Variants in HPSE2 observed in about 807,000 individuals in gnomAD.
The protein encoded by HPSE2 is heparanase 2 (inactive).
Under a neutral mutation model 60.5 loss-of-function variants are expected in HPSE2, and 38 were observed. The ratio of observed to expected loss-of-function variants is 0.63; its 90% CI spans 0.48 to 0.82. HPSE2 has a LOEUF of 0.82. Ranked by LOEUF, HPSE2 falls within the 40% of genes least tolerant of loss-of-function variation. HPSE2 has a pLI of 0.00. For missense variants in HPSE2, 713 were observed against 740.4 expected (o/e 0.96, Z 0.43); for synonymous variants, 295 against 293.2 (o/e 1.01, Z -0.06).
intron 6 of HPSE2, among the ~76,000 whole-genome samples, chr10:98,687,727 C>CT (rs376293951): frequency 1.2e-4 from 18 of 152,190 alleles, no homozygotes; most frequent in African/African-American, 3.6e-4. Context: ...GGTAATCCTC[C>CT]TTTTTTTGAA....
the HPSE2 span, among the ~76,000 whole-genome samples, chr10:99,258,130 G>C: frequency 6.6e-6 from 1 of 150,870 alleles, no homozygotes; most frequent in Non-Finnish European, 1.5e-5. Flanking sequence ...ACTGGAGCCA[G>C]ACTGCATCTC....
intron 3 of HPSE2, among the ~76,000 whole-genome samples, chr10:99,113,669 T>C (rs754798650): frequency 3.9e-5 from 6 of 152,222 alleles, no homozygotes; most frequent in Non-Finnish European, 8.8e-5. Context: ...CTGGGCATTA[T>C]ATAAACTTTC....
At chr10:98,750,934 T>G (rs374426814) in intron 3 of HPSE2, among the ~76,000 whole-genome samples, 12 of 152,214 alleles carry the variant, frequency 7.9e-5, no homozygotes, top group East Asian at 3.9e-4. Context: ...ATAGAGAACC[T>G]TTTACTGGAA....
At chr10:99,088,203 C>CTTTA (rs567526501) in intron 3 of HPSE2, among the ~76,000 whole-genome samples, 18 of 151,966 alleles carry the variant, frequency 1.2e-4, no homozygotes, top group Non-Finnish European at 1.8e-4. Context: ...CCCCTCAATA[C>CTTTA]TTTATTTATT....
At chr10:98,611,714 C>T (rs1945766637) in intron 9 of HPSE2, among the ~76,000 whole-genome samples, 1 of 152,180 alleles carries the variant, frequency 6.6e-6, no homozygotes, top group African/African-American at 2.4e-5. Context: ...ACTTAGGACA[C>T]ACTCTCCCAG....
rs150050105 is a variant in HPSE2 at position 98,611,956 on chromosome 10, T to A, written c.1320+2948A>T. Among the ~76,000 whole-genome samples the A allele has an allele frequency of 3.8e-3, 581 of 152,286 alleles. 1 individual carries two copies. The highest frequency in any genetic ancestry group is 7.1e-3 in the Admixed American group (108 of 15,300). Reference sequence around the variant, plus strand: ...CTCCACCATGTATCAACTGAGGTCTTTTGTGCCATGCTTTTAAAGAAAGTC... The same window carrying A: ...CTCCACCATGTATCAACTGAGGTCTATTGTGCCATGCTTTTAAAGAAAGTC... On this transcript the variant is annotated intron_variant, in intron 9 of 11. Coordinates refer to ENST00000370552, the MANE Select transcript of HPSE2 (RefSeq NM_021828.5).
At chr10:98,505,716 A>G (rs1942178173) in intron 9 of HPSE2, among the ~76,000 whole-genome samples, 1 of 152,200 alleles carries the variant, frequency 6.6e-6, no homozygotes, top group South Asian at 2.1e-4. Flanking sequence ...CTTATGAGAT[A>G]GGTATATAAT....
At chr10:99,237,320 A>C (rs1438394532), upstream of HPSE2, among the ~76,000 whole-genome samples, 1 of 152,314 alleles carries the variant, frequency 6.6e-6, no homozygotes, top group African/African-American at 2.4e-5. Context: ...CCTAAAATGC[A>C]GAGCAAGGGT....
At chr10:99,133,072 A>G (rs567442123) in intron 3 of HPSE2, among the ~76,000 whole-genome samples, 5 of 152,298 alleles carry the variant, frequency 3.3e-5, no homozygotes, top group Admixed American at 2.0e-4. Flanking sequence ...GGCGTCTACC[A>G]TTGTTGAAGC....
chr10:99,235,952 CCGCTCTCTCTCTCTCT>C (rs1302183737), upstream of HPSE2: 4 of 655,660 alleles, frequency 6.1e-6, no homozygotes, highest in Non-Finnish European at 8.3e-6. Context: ...TCTCTCTCTC[CCGCTCTCTCTCTCTCT>C]CGCTCGCTCG....
intron 11 of HPSE2, 126 bp from the exon 12 acceptor site, chr10:98,459,865 G>T: frequency 3.3e-6 from 3 of 916,804 alleles, no homozygotes; most frequent in Non-Finnish European, 3.4e-6. Context: ...ATTGTTACTG[G>T]CTATGCCCTA....
chr10:98,915,653 G>T (rs956923266), intron 3 of HPSE2, among the ~76,000 whole-genome samples: 1 of 152,110 alleles, frequency 6.6e-6, no homozygotes, highest in Non-Finnish European at 1.5e-5. Context: ...CCAGTCTCTG[G>T]TCTTTTCTGT....
At chr10:98,534,347 A>AT (rs1199864075) in intron 9 of HPSE2, among the ~76,000 whole-genome samples, 1 of 152,186 alleles carries the variant, frequency 6.6e-6, no homozygotes, top group Admixed American at 6.5e-5. Flanking sequence ...ATAACCTGAG[A>AT]TTTTTTTCAC....
At chr10:98,995,579 T>C (rs1294496876) in intron 3 of HPSE2, among the ~76,000 whole-genome samples, 2 of 152,172 alleles carry the variant, frequency 1.3e-5, no homozygotes, top group African/African-American at 2.4e-5. Context: ...TTCTGCTCCA[T>C]AGGAACCCTA....
Position 98,458,667 on chromosome 10 carries a change from G to A in HPSE2, c.*907C>T, listed in dbSNP as rs1940150234. On this transcript the variant is annotated 3_prime_UTR_variant, in exon 12 of 12. Coordinates refer to ENST00000370552, the MANE Select transcript of HPSE2 (RefSeq NM_021828.5). ...CCCCTAATATTCTCTTAATTTTGGA[G>A]AGGTCTAATTTGCTTTGTCCAGTTG... 1 of 152,188 alleles carries A rather than the reference G, an allele frequency of 6.6e-6. No individual in the cohort carries two copies. Among genetic ancestry groups the A allele is most frequent in the South Asian group, 2.1e-4 (1 of 4,834 alleles). The allele number at this position is 152,188 out of a possible 1,614,324, so 9.4% of individuals were successfully genotyped here.
chr10:99,120,071 G>A (rs763882859), intron 3 of HPSE2, among the ~76,000 whole-genome samples: 28 of 152,012 alleles, frequency 1.8e-4, no homozygotes, highest in Non-Finnish European at 2.9e-4. Flanking sequence ...AAGCAATCAC[G>A]ACAAAAGCAA....
intron 2 of HPSE2, among the ~76,000 whole-genome samples, chr10:99,228,493 A>G (rs1192781589): frequency 6.6e-6 from 1 of 152,242 alleles, no homozygotes; most frequent in Non-Finnish European, 1.5e-5. Context: ...TACAATACAA[A>G]GAGGGGAAGA....
At position 98,749,947 on chromosome 10, in the gene HPSE2, T is replaced by TATATATATACACACAC; in HGVS notation, c.611-5892_611-5891insGTGTGTGTATATATAT. On this transcript the variant is annotated intron_variant, in intron 3 of 11. Transcript: ENST00000370552. ...ATTAAACACTATATATATATATATA[T>TATATATATACACACAC]ACACACACACTTACACACACATTTA... Among the ~76,000 whole-genome samples, 936 of 98,446 alleles carry TATATATATACACACAC rather than the reference T, an allele frequency of 9.5e-3. 15 individuals are homozygous for TATATATATACACACAC. The highest frequency in any genetic ancestry group is 0.029 in the African/African-American group (866 of 30,008). The allele number at this position is 98,446 out of a possible 152,430, so 64.6% of individuals were successfully genotyped here.
chr10:99,164,341 C>T (rs1203963425), intron 2 of HPSE2, among the ~76,000 whole-genome samples: 2 of 142,218 alleles, frequency 1.4e-5, no homozygotes, highest in Non-Finnish European at 3.0e-5. Context: ...ACAAACTGTT[C>T]CAGCTTTGGC....
Sources: gnomAD v4.1 joint callset for allele counts (sites outside exome capture counted in the v4.1 genomes callset) on GRCh38, gnomAD v4.1.1 for gene constraint, MANE v1.5 for transcripts, NCBI Gene and HGNC (gene_info 2026-07-23, HGNC 2026-07-21) for gene names.